TBC1D9: variants seen among roughly 807,000 people sequenced by gnomAD.
TBC1D9 encodes the protein TBC1 domain family member 9.
TBC1D9 carries 63 observed loss-of-function variants against 132.0 expected under a neutral mutation model. The ratio of observed to expected loss-of-function variants is 0.48; its 90% confidence interval spans 0.39 to 0.59. The LOEUF (loss-of-function observed/expected upper bound fraction) is 0.59, where lower values mean the gene tolerates loss of function less well. TBC1D9 is among the 20% of genes least tolerant of loss of function. TBC1D9 has a pLI of 0.00. For missense variants in TBC1D9, 1,261 were observed against 1,592.7 expected (o/e 0.79, Z 3.54); for synonymous variants, 610 against 609.9 (o/e 1.00, Z 0.00).
chr4:140,709,252 A>T (rs35850501), intron 1 of TBC1D9, among the ~76,000 whole-genome samples: 50,134 of 98,924 alleles, frequency 0.51, 13,464 homozygotes, highest in Non-Finnish European at 0.65. Context: ...TCTCTCTCAC[A>T]CACACACACA....
intron 15 of TBC1D9, among the ~76,000 whole-genome samples, chr4:140,638,735 C>T (rs112672793): frequency 1.6e-4 from 25 of 152,226 alleles, no homozygotes; most frequent in African/African-American, 6.0e-4. Context: ...ATTCTAACTA[C>T]ATAAGGGTGT....
intron 1 of TBC1D9, among the ~76,000 whole-genome samples, chr4:140,716,760 A>G (rs1175179388): frequency 6.6e-6 from 1 of 152,088 alleles, no homozygotes; most frequent in Non-Finnish European, 1.5e-5. Context: ...TGAATGGGGA[A>G]ATTTAAAGTA....
intron 1 of TBC1D9, among the ~76,000 whole-genome samples, chr4:140,730,042 GT>G (rs1023104885): frequency 2.6e-5 from 4 of 152,036 alleles, no homozygotes; most frequent in Admixed American, 2.0e-4. Context: ...GCCTTCCCCC[GT>G]ATAGACTCCT....
intron 1 of TBC1D9, among the ~76,000 whole-genome samples, chr4:140,704,990 A>C (rs1481298612): frequency 6.6e-6 from 1 of 152,248 alleles, no homozygotes; most frequent in Non-Finnish European, 1.5e-5. Flanking sequence ...AGTAAATTAC[A>C]GAAAGTATAA....
chr4:140,751,464 G>A (rs1738922384), intron 1 of TBC1D9, among the ~76,000 whole-genome samples: 1 of 152,074 alleles, frequency 6.6e-6, no homozygotes, highest in Admixed American at 6.5e-5. Flanking sequence ...GTTAAGGTGG[G>A]GGTTAAAACT....
chr4:140,623,408 A>G (rs1736655922), intron 20 of TBC1D9, among the ~76,000 whole-genome samples: 1 of 152,242 alleles, frequency 6.6e-6, no homozygotes, highest in African/African-American at 2.4e-5. Flanking sequence ...TCCAACATCT[A>G]TGAAAGTTGG....
intron 13 of TBC1D9, among the ~76,000 whole-genome samples, chr4:140,649,828 G>C (rs1024449494): frequency 6.6e-6 from 1 of 152,194 alleles, no homozygotes; most frequent in South Asian, 2.1e-4. Flanking sequence ...CGTTGAATGG[G>C]TGGCCCTTTC....
In TBC1D9 at chr4:140,686,365, T is replaced by A; in HGVS notation, c.339A>T (p.Thr113=). The A allele has an allele frequency of 2.5e-6, 4 of 1,600,074 alleles. No homozygotes were observed. The highest frequency in any genetic ancestry group is 3.4e-6 in the Non-Finnish European group (4 of 1,169,070). The part of the protein sequence containing the change: ...SIFENENDIT[T]FVRGKIQGII... The stretch of plus-strand genomic sequence containing the variant: ...CTACCTGTATTTTTCCTCTCACAAA[T>A]GTGGTGATATCATTCTCATTTTCAA... The change falls in exon 3 of 21, where the codon ACA becomes ACT. Residue 113 remains threonine, a synonymous_variant. Transcript: ENST00000442267.
intron 13 of TBC1D9, among the ~76,000 whole-genome samples, chr4:140,649,627 C>A (rs373020076): frequency 2.6e-5 from 4 of 152,306 alleles, no homozygotes; most frequent in East Asian, 3.9e-4. Flanking sequence ...TTCGAAGGAG[C>A]AGCCCCACAC....
At chr4:140,625,587 A>G (rs999436303) in intron 18 of TBC1D9, among the ~76,000 whole-genome samples, 12 of 152,204 alleles carry the variant, frequency 7.9e-5, no homozygotes, top group Admixed American at 2.0e-4. Flanking sequence ...AAAGTGTACT[A>G]TGTGTTGTTG....
At chr4:140,631,760 C>T (rs1736798060) in intron 16 of TBC1D9, among the ~76,000 whole-genome samples, 1 of 152,034 alleles carries the variant, frequency 6.6e-6, no homozygotes, top group Non-Finnish European at 1.5e-5. Context: ...CCACGCCTGG[C>T]TAATTTTTGT....
At chr4:140,642,753 A>T in intron 13 of TBC1D9, 1 of 647,010 alleles carries the variant, frequency 1.5e-6, no homozygotes, top group South Asian at 2.0e-5. Flanking sequence ...CCCAGCTCAT[A>T]GTCATCTGAT....
intron 15 of TBC1D9, among the ~76,000 whole-genome samples, chr4:140,635,381 C>T (rs1322939169): frequency 6.6e-6 from 1 of 152,066 alleles, no homozygotes; most frequent in Non-Finnish European, 1.5e-5. Context: ...ACTTGGGAGG[C>T]TGAGGTGGGA....
At chr4:140,679,535 T>C (rs754925286) in intron 4 of TBC1D9, 80 bp downstream of exon 4, 14 of 971,802 alleles carry the variant, frequency 1.4e-5, no homozygotes, top group African/African-American at 5.0e-5. Context: ...TTATTTCTGA[T>C]ATTTTGATGT....
chr4:140,672,845 A>G (rs1014031086), intron 6 of TBC1D9, among the ~76,000 whole-genome samples: 1 of 152,184 alleles, frequency 6.6e-6, no homozygotes, highest in Admixed American at 6.5e-5. Context: ...GTTTAATATG[A>G]AACACTGGAA....
At position 140,669,005 on chromosome 4, in the gene TBC1D9, G is replaced by T. The variant is rs779311697; in HGVS notation, c.1500C>A (p.Ile500=). 6.2e-7 allele frequency: 1 copy of T among 1,613,988 alleles called. No homozygotes were observed. Among genetic ancestry groups the T allele is most frequent in the Non-Finnish European group, 8.5e-7 (1 of 1,179,884 alleles). Residue 500 remains isoleucine, a synonymous_variant, in exon 9 of 21, where the codon ATC becomes ATA. Coordinates refer to ENST00000442267, the MANE Select transcript of TBC1D9 (RefSeq NM_015130.3). The part of the protein sequence containing the change: ...KIHFAEYGQG[I]CMYRTEKTRE... Reference sequence around the variant, plus strand: ...GCGTTTTCTCTGTGCGGTACATGCAGATCCCTTGCCCATACTCAGCAAAGT... The same window carrying T: ...GCGTTTTCTCTGTGCGGTACATGCATATCCCTTGCCCATACTCAGCAAAGT...
In TBC1D9 at chr4:140,686,559, A is replaced by G. The variant is rs1737785026; in HGVS notation, c.242-97T>C. On this transcript the variant is annotated intron_variant, in intron 2 of 20. Transcript: ENST00000442267. ...TCATTATAGTCTATACCATCAAAGG[A>G]GACTATCGGACCAAGAGCTTTGCCT... is the stretch of plus-strand genomic sequence containing the variant. The G allele has an allele frequency of 1.9e-5, 14 of 738,858 alleles. No homozygotes were observed. The South Asian group carries it at 2.4e-4, about 13-fold the overall frequency. 45.8% of individuals were successfully genotyped at this position (738,858 alleles called of 1,614,324 possible). A position where few individuals can be genotyped will look rare whatever the true frequency, so the allele number is the denominator to read the frequency against.
At chr4:140,657,387 A>C in intron 12 of TBC1D9, 140 bp downstream of exon 12, 2 of 1,344,364 alleles carry the variant, frequency 1.5e-6, no homozygotes, top group South Asian at 2.9e-5. Context: ...CTAAAGAAAA[A>C]GCATATGAAA....
chr4:140,665,454 A>T (rs1477792908), intron 9 of TBC1D9, among the ~76,000 whole-genome samples: 1 of 152,206 alleles, frequency 6.6e-6, no homozygotes, highest in Non-Finnish European at 1.5e-5. Flanking sequence ...TACAAAGAAG[A>T]TATAGAAGTG....
Sources: gnomAD v4.1 joint callset for allele counts (sites outside exome capture counted in the v4.1 genomes callset) on GRCh38, gnomAD v4.1.1 for gene constraint, MANE v1.5 for transcripts, NCBI Gene and HGNC (gene_info 2026-07-23, HGNC 2026-07-21) for gene names.